Variants in NAALADL2 observed in about 807,000 individuals in gnomAD.
NAALADL2 encodes inactive N-acetylated-alpha-linked acidic dipeptidase-like protein 2.
NAALADL2 carries 76 observed loss-of-function variants against 87.2 expected under a neutral mutation model. That is an observed-to-expected ratio of 0.87 (90% CI 0.72 to 1.05). The LOEUF is 1.05. Ranked by LOEUF, NAALADL2 falls within the 50% of genes least tolerant of loss-of-function variation. The pLI, the probability that NAALADL2 is intolerant of heterozygous loss-of-function variation, is 0.00. For missense variants in NAALADL2, 1,089 were observed against 945.8 expected (o/e 1.15, Z -1.99); for synonymous variants, 354 against 331.0 (o/e 1.07, Z -0.75).
At chr3:175,666,701 C>G (rs567515652) in intron 11 of NAALADL2, among the ~76,000 whole-genome samples, 1 of 151,888 alleles carries the variant, frequency 6.6e-6, no homozygotes, top group East Asian at 1.9e-4. Flanking sequence ...ATCTTTGGAA[C>G]GTTACATTAG....
At chr3:175,245,228 A>C (rs749173313) in intron 3 of NAALADL2, among the ~76,000 whole-genome samples, 9 of 152,194 alleles carry the variant, frequency 5.9e-5, no homozygotes, top group Non-Finnish European at 1.2e-4. Context: ...TGTTGACCAA[A>C]TAATACGAAA....
chr3:175,311,423 A>G (rs1443588042), intron 4 of NAALADL2, among the ~76,000 whole-genome samples: 2 of 152,178 alleles, frequency 1.3e-5, no homozygotes, highest in Non-Finnish European at 2.9e-5. Flanking sequence ...ATTCATTTCC[A>G]GTCCGAAATA....
At chr3:175,748,493 G>A (rs1583099917) in intron 12 of NAALADL2, among the ~76,000 whole-genome samples, 1 of 151,926 alleles carries the variant, frequency 6.6e-6, no homozygotes, top group South Asian at 2.1e-4. Context: ...ACTTTTTCTT[G>A]TCACTATAAA....
At chr3:174,750,635 T>C (rs1560194059) in intron 3 of NAALADL2, among the ~76,000 whole-genome samples, 1 of 152,084 alleles carries the variant, frequency 6.6e-6, no homozygotes, top group Non-Finnish European at 1.5e-5. Flanking sequence ...GGTTTCACCA[T>C]GTTGGCCAGG....
intron 2 of NAALADL2, among the ~76,000 whole-genome samples, chr3:174,724,573 T>A (rs966373062): frequency 2.0e-5 from 3 of 152,100 alleles, no homozygotes; most frequent in African/African-American, 7.2e-5. Context: ...AGAAAGGGAT[T>A]TAGAAAAGTC....
intron 4 of NAALADL2, among the ~76,000 whole-genome samples, chr3:175,317,349 A>G (rs1759285220): frequency 9.2e-6 from 1 of 108,930 alleles, no homozygotes. Context: ...GGGTTAGCAC[A>G]TTAAAAAAAA....
chr3:174,910,883 G>A lies in NAALADL2; in HGVS notation c.43+51433G>A, dbSNP rs545317011. On this transcript the variant is annotated intron_variant, in intron 1 of 13. Coordinates refer to ENST00000454872, the MANE Select transcript of NAALADL2 (RefSeq NM_207015.3). ...CATGACTATTGCCTAGAACGGGAGA[G>A]GTGAACAGAAGAGGTAGGGGCTGTG... Among the ~76,000 whole-genome samples, 77 of 152,206 alleles carry A rather than the reference G, an allele frequency of 5.1e-4. 1 individual carries two copies. The highest frequency in any genetic ancestry group is 3.4e-4 in the Non-Finnish European group (23 of 68,026).
At chr3:175,647,484 A>G (rs932808066) in intron 11 of NAALADL2, among the ~76,000 whole-genome samples, 1 of 152,146 alleles carries the variant, frequency 6.6e-6, no homozygotes, top group Non-Finnish European at 1.5e-5. Flanking sequence ...TTATTCTCTC[A>G]TATTTCTCGT....
chr3:175,196,357 A>T (rs1738991013), intron 2 of NAALADL2, among the ~76,000 whole-genome samples: 1 of 151,828 alleles, frequency 6.6e-6, no homozygotes, highest in African/African-American at 2.4e-5. Context: ...ATTGTTTTCC[A>T]TATGGGGCAC....
At chr3:174,752,027 G>GA in intron 3 of NAALADL2, among the ~76,000 whole-genome samples, 1 of 152,036 alleles carries the variant, frequency 6.6e-6, no homozygotes, top group Admixed American at 6.5e-5. Flanking sequence ...GCCCAGGCTG[G>GA]AGTGCAGTGG....
chr3:174,742,410 T>C (rs554470696), intron 3 of NAALADL2, among the ~76,000 whole-genome samples: 19 of 151,874 alleles, frequency 1.3e-4, no homozygotes, highest in South Asian at 8.3e-4. Context: ...AGATCAGTCA[T>C]GGGCTTCAGG....
At chr3:175,627,972 A>G (rs1033865249) in intron 11 of NAALADL2, among the ~76,000 whole-genome samples, 1 of 147,992 alleles carries the variant, frequency 6.8e-6, no homozygotes, top group Non-Finnish European at 1.5e-5. Flanking sequence ...CAGAAAAAAA[A>G]GGCTACTTTT....
chr3:175,651,874 A>G (rs1348031893), intron 11 of NAALADL2, among the ~76,000 whole-genome samples: 1 of 152,256 alleles, frequency 6.6e-6, no homozygotes, highest in African/African-American at 2.4e-5. Context: ...AATGCCTTGT[A>G]CAAAGCAAAG....
chr3:174,445,476 A>G (rs1434318395), intron 1 of NAALADL2, among the ~76,000 whole-genome samples: 2 of 152,124 alleles, frequency 1.3e-5, no homozygotes, highest in East Asian at 3.8e-4. Flanking sequence ...AGGCAGCTCA[A>G]GATCATTTTT....
intron 10 of NAALADL2, among the ~76,000 whole-genome samples, chr3:175,611,303 G>C (rs909888485): frequency 6.6e-6 from 1 of 152,048 alleles, no homozygotes; most frequent in Non-Finnish European, 1.5e-5. Flanking sequence ...CCTTATAAAT[G>C]TGAAATTTGC....
chr3:175,385,091 G>A (rs1278231761), intron 5 of NAALADL2, among the ~76,000 whole-genome samples: 1 of 151,938 alleles, frequency 6.6e-6, no homozygotes, highest in Non-Finnish European at 1.5e-5. Flanking sequence ...TTAGTATTCT[G>A]ATTAACCTGA....
intron 2 of NAALADL2, among the ~76,000 whole-genome samples, chr3:174,690,263 A>G (rs1728453413): frequency 6.6e-6 from 1 of 152,166 alleles, no homozygotes; most frequent in Non-Finnish European, 1.5e-5. Flanking sequence ...ATATACTGTA[A>G]AGAATTTTAT....
intron 11 of NAALADL2, among the ~76,000 whole-genome samples, chr3:175,642,741 C>T (rs1236505223): frequency 2.0e-5 from 3 of 152,088 alleles, no homozygotes. Context: ...ACCTCGTGAT[C>T]CTCCCGCCTC....
intron 3 of NAALADL2, among the ~76,000 whole-genome samples, chr3:174,849,114 C>T (rs9865076): frequency 0.2 from 30,520 of 152,022 alleles, 3,287 homozygotes; most frequent in East Asian, 0.44. Context: ...AGTTGTTCTG[C>T]GTGAGTCAGT....
Sources: allele counts gnomAD v4.1 joint callset (sites outside exome capture counted in the v4.1 genomes callset), GRCh38; gene constraint gnomAD v4.1.1; transcripts MANE v1.5; gene names NCBI Gene and HGNC (gene_info 2026-07-23, HGNC 2026-07-21).